R3HDM1: variants seen among roughly 807,000 people sequenced by gnomAD.
R3HDM1 encodes the protein R3H domain containing 1, also known as R3H domain-containing protein 1.
A neutral mutation model predicts 141.1 loss-of-function variants in R3HDM1; 46 were observed. That is an observed-to-expected ratio of 0.33 (90% CI 0.26 to 0.42). The LOEUF (loss-of-function observed/expected upper bound fraction) is 0.42, where lower values mean the gene tolerates loss of function less well. Among genes scored for constraint, R3HDM1 ranks in the 10% least tolerant of loss-of-function variants. The pLI is 1.00. For missense variants in R3HDM1, 1,184 were observed against 1,368.3 expected (o/e 0.87, Z 2.12); for synonymous variants, 435 against 472.9 (o/e 0.92, Z 1.04).
chr2:135,549,577 A>C (rs981913588), intron 1 of R3HDM1, among the ~76,000 whole-genome samples: 6 of 145,580 alleles, frequency 4.1e-5, no homozygotes, highest in East Asian at 2.2e-4. Flanking sequence ...AAAAAAAAAA[A>C]AAAACAAAAA....
At chr2:135,614,455 T>C (rs1301686645) in intron 3 of R3HDM1, among the ~76,000 whole-genome samples, 1 of 152,234 alleles carries the variant, frequency 6.6e-6, no homozygotes, top group African/African-American at 2.4e-5. Context: ...AAAGCCCCTT[T>C]GTTAGCTACG....
intron 1 of R3HDM1, among the ~76,000 whole-genome samples, chr2:135,541,949 GA>G (rs1349284888): frequency 1.3e-5 from 2 of 151,914 alleles, no homozygotes; most frequent in Admixed American, 6.6e-5. Flanking sequence ...TGTGAGACCA[GA>G]AGTGTATTGG....
chr2:135,665,918 T>A (rs976867852), intron 19 of R3HDM1, among the ~76,000 whole-genome samples: 2 of 152,236 alleles, frequency 1.3e-5, no homozygotes, highest in Non-Finnish European at 2.9e-5. Context: ...AATTTAATTT[T>A]TTTTTCCAAA....
At chr2:135,586,932 A>T in intron 1 of R3HDM1, 1 of 985,084 alleles carries the variant, frequency 1.0e-6, no homozygotes, top group Non-Finnish European at 1.2e-6. Flanking sequence ...AACAAATACA[A>T]TGTGAATGAG....
chr2:135,564,908 C>T (rs1363279204), intron 1 of R3HDM1, among the ~76,000 whole-genome samples: 1 of 152,098 alleles, frequency 6.6e-6, no homozygotes, highest in Admixed American at 6.5e-5. Context: ...ATAAAGTATT[C>T]CTTTTTCTTA....
At chr2:135,607,465 AT>A (rs1015309335) in intron 3 of R3HDM1, among the ~76,000 whole-genome samples, 5 of 152,266 alleles carry the variant, frequency 3.3e-5, no homozygotes, top group African/African-American at 1.2e-4. Flanking sequence ...GAGAAATAAC[AT>A]TTTTTTCCCA....
At chr2:135,689,701 T>C (rs940623921) in intron 21 of R3HDM1, among the ~76,000 whole-genome samples, 3 of 152,200 alleles carry the variant, frequency 2.0e-5, no homozygotes, top group Non-Finnish European at 4.4e-5. Context: ...ATTATGAAGA[T>C]TGAGCACAGC....
intron 1 of R3HDM1, among the ~76,000 whole-genome samples, chr2:135,535,559 T>C (rs564823936): frequency 6.6e-6 from 1 of 151,736 alleles, no homozygotes; most frequent in Admixed American, 6.6e-5. Context: ...ATGGCTGTTG[T>C]GAAGAGAAGG....
chr2:135,638,324 C>A (rs2105237971), intron 11 of R3HDM1, among the ~76,000 whole-genome samples: 1 of 152,118 alleles, frequency 6.6e-6, no homozygotes, highest in Admixed American at 6.5e-5. Context: ...CCTATATATA[C>A]CTTGAATATA....
intron 19 of R3HDM1, among the ~76,000 whole-genome samples, chr2:135,666,282 G>GGA (rs980675210): frequency 6.6e-6 from 1 of 152,170 alleles, no homozygotes; most frequent in African/African-American, 2.4e-5. Context: ...CTTATTGATA[G>GGA]GAGAGTCGGC....
rs149138207 is a variant in R3HDM1 at position 135,632,658 on chromosome 2, C to T, written c.698+657C>T. Reference sequence around the variant, plus strand: ...AGTTATAAAACATACACAGCACATCCGTTACATCTTCTGCCTATTTTTAAG... The same window carrying T: ...AGTTATAAAACATACACAGCACATCTGTTACATCTTCTGCCTATTTTTAAG... On this transcript the variant is annotated intron_variant, in intron 9 of 26. Transcript: ENST00000683871. Among the ~76,000 whole-genome samples, 22 of 152,256 alleles carry T rather than the reference C, an allele frequency of 1.4e-4. 1 individual carries two copies. In the East Asian group the frequency reaches 3.1e-3, roughly 21 times the overall value.
At chr2:135,577,251 G>GA (rs926293354) in intron 1 of R3HDM1, 12 of 972,274 alleles carry the variant, frequency 1.2e-5, no homozygotes, top group African/African-American at 1.8e-5. Flanking sequence ...AAACCGACAT[G>GA]AAAAAAAGTC....
chr2:135,704,540 G>A (rs1018901748), intron 21 of R3HDM1, among the ~76,000 whole-genome samples: 7 of 147,922 alleles, frequency 4.7e-5, no homozygotes, highest in Non-Finnish European at 1.0e-4. Flanking sequence ...GTGCCATCTC[G>A]GCTCACTGCA....
intron 1 of R3HDM1, among the ~76,000 whole-genome samples, chr2:135,563,468 T>G (rs1237952003): frequency 6.6e-6 from 1 of 152,200 alleles, no homozygotes; most frequent in Non-Finnish European, 1.5e-5. Flanking sequence ...TGTCTTCCTT[T>G]CGGTAAGGGT....
At chr2:135,661,222 T>G (rs759649578) in intron 18 of R3HDM1, 48 bp from the exon 19 acceptor site, 2 of 1,604,570 alleles carry the variant, frequency 1.2e-6, no homozygotes, top group African/African-American at 2.7e-5. Flanking sequence ...GAAAAACATA[T>G]GTAATGCAAG....
At chr2:135,722,667 T>C (rs1415416441) in intron 26 of R3HDM1, 114 bp downstream of exon 26, 3 of 1,036,604 alleles carry the variant, frequency 2.9e-6, no homozygotes, top group Non-Finnish European at 4.2e-6. Context: ...AAAGTCATAA[T>C]TTTTGCCATC....
Position 135,616,149 on chromosome 2 carries a change from C to T in R3HDM1, c.172-3C>T, listed in dbSNP as rs766986481. The T allele has an allele frequency of 1.9e-6, 3 of 1,612,214 alleles. No homozygotes were observed. The South Asian group carries it at 3.3e-5, about 18-fold the overall frequency. ...TTAATACAAATCTTTCTTGTATATT[C>T]AGCGGCCATTGCAGTCATTTGGACA... On this transcript the variant is annotated splice_region_variant and splice_polypyrimidine_tract_variant and intron_variant, in intron 3 of 26. Transcript: ENST00000683871.
At chr2:135,585,779 A>C (rs190940988) in intron 1 of R3HDM1, among the ~76,000 whole-genome samples, 1 of 152,206 alleles carries the variant, frequency 6.6e-6, no homozygotes, top group Non-Finnish European at 1.5e-5. Flanking sequence ...TTCTATTGCT[A>C]TCTCCATCTG....
chr2:135,714,065 G>C (rs766217423), intron 23 of R3HDM1, among the ~76,000 whole-genome samples: 2 of 151,562 alleles, frequency 1.3e-5, no homozygotes, highest in Non-Finnish European at 2.9e-5. Context: ...CAAAACTAGT[G>C]GGTGAAATTC....
Sources: gnomAD v4.1 joint callset for allele counts (sites outside exome capture counted in the v4.1 genomes callset) on GRCh38, gnomAD v4.1.1 for gene constraint, MANE v1.5 for transcripts, NCBI Gene and HGNC (gene_info 2026-07-23, HGNC 2026-07-21) for gene names.